Variants in PTCH1 observed in about 807,000 individuals in gnomAD.
PTCH1 encodes protein patched homolog 1.
PTCH1 carries 14 observed loss-of-function variants against 144.6 expected under a neutral mutation model. The observed-to-expected ratio is 0.10, with a 90% confidence interval of 0.06 to 0.15. The LOEUF (loss-of-function observed/expected upper bound fraction) is 0.15, where lower values mean the gene tolerates loss of function less well. Ranked by LOEUF, PTCH1 falls within the 10% of genes least tolerant of loss-of-function variation. The pLI, the probability that PTCH1 is intolerant of heterozygous loss-of-function variation, is 1.00. For synonymous variants in PTCH1, 833 were observed against 793.6 expected, an observed-to-expected ratio of 1.05 and a Z score of -0.83; for missense variants, 1,623 against 1,948.3, an observed-to-expected ratio of 0.83 and a Z score of 3.14.
chr9:95,505,373 GTGTT>G (rs2118854740), intron 2 of PTCH1, among the ~76,000 whole-genome samples: 1 of 152,310 alleles, frequency 6.6e-6, no homozygotes, highest in East Asian at 1.9e-4. Flanking sequence ...GCCCAAAGTG[GTGTT>G]TAGGGTTAAA....
chr9:95,516,479 C>T (rs772457145), exon 1 of PTCH1: 2 of 1,526,208 alleles, frequency 1.3e-6, no homozygotes, highest in Admixed American at 2.2e-5. Context: ...CATAGCCGGC[C>T]GTCAACCCCT....
intron 22 of PTCH1, among the ~76,000 whole-genome samples, chr9:95,447,846 C>T (rs557179818): frequency 5.3e-4 from 80 of 152,342 alleles, no homozygotes; most frequent in Non-Finnish European, 8.7e-4. Context: ...GTGCAGGACG[C>T]TGGCAGGACT....
At position 95,507,757 on chromosome 9, in the gene PTCH1, T is replaced by C. The variant is rs76567043; in HGVS notation, c.201+404A>G. On this transcript the variant is annotated intron_variant, in intron 1 of 23. Transcript: ENST00000331920. ...GAAATGTGGCAGCCGTACAGGAGTT[T>C]AGGCTGCAAATAGGGGCAGGGGCGC... 3.7e-3 allele frequency: 860 copies of C among 232,518 alleles called. 13 individuals are homozygous for C. Among genetic ancestry groups the C allele is most frequent in the African/African-American group, 0.017 (733 of 43,422 alleles). 14.4% of individuals were successfully genotyped at this position (232,518 alleles called of 1,614,324 possible).
intron 12 of PTCH1, among the ~76,000 whole-genome samples, chr9:95,475,496 C>A (rs570078449): frequency 6.6e-6 from 1 of 152,362 alleles, no homozygotes; most frequent in East Asian, 1.9e-4. Flanking sequence ...GAGGCGGACC[C>A]TGCAGGAAAT....
chr9:95,467,318 T>C lies in PTCH1; in HGVS notation c.2358A>G (p.Arg786=). ...DLTDIVPRET[R]EYDFIAAQFK... Reference sequence around the variant, plus strand: ...ATTGTGCAGCAATAAAGTCATATTCTCTGGTTTCCCGAGGTACAATGTCCG... The same window carrying C: ...ATTGTGCAGCAATAAAGTCATATTCCCTGGTTTCCCGAGGTACAATGTCCG... Residue 786 remains arginine, a synonymous_variant, in exon 15 of 24, where the codon AGA becomes AGG. Transcript: ENST00000331920. 1 of 1,614,200 alleles carries C rather than the reference T, an allele frequency of 6.2e-7. No individual in the cohort carries two copies. The highest frequency in any genetic ancestry group is 8.5e-7 in the Non-Finnish European group (1 of 1,180,016).
At chr9:95,473,211 A>C (rs1296830491) in intron 12 of PTCH1, among the ~76,000 whole-genome samples, 1 of 152,250 alleles carries the variant, frequency 6.6e-6, no homozygotes, top group African/African-American at 2.4e-5. Context: ...GGTTTAAGAC[A>C]GTTTCCTTGT....
At position 95,446,823 on chromosome 9, in the gene PTCH1, C is replaced by A. The variant is rs1837939889; in HGVS notation, c.*1+88G>T. On this transcript the variant is annotated intron_variant, in intron 23 of 23. Coordinates refer to ENST00000331920, the MANE Select transcript of PTCH1 (RefSeq NM_000264.5). ...GGGATGTGCCCGAGCGCCACAGCCCCTCGGGGATGCCGAGAACCCCAGGAG... is the reference window on the plus strand; with the variant it reads ...GGGATGTGCCCGAGCGCCACAGCCCATCGGGGATGCCGAGAACCCCAGGAG... 24 of 1,575,380 alleles carry A rather than the reference C, an allele frequency of 1.5e-5. No homozygotes were observed. The South Asian group carries it at 2.7e-4, about 17-fold the overall frequency.
At chr9:95,462,561 A>C (rs1282121585) in intron 15 of PTCH1, among the ~76,000 whole-genome samples, 1 of 152,242 alleles carries the variant, frequency 6.6e-6, no homozygotes, top group African/African-American at 2.4e-5. Context: ...GGTTGTGTAA[A>C]GATCACAGCC....
intron 1 of PTCH1, chr9:95,507,363 A>T (rs1843764129): frequency 1.0e-6 from 1 of 985,194 alleles, no homozygotes; most frequent in African/African-American, 1.7e-5. Flanking sequence ...CCGGCGCGGC[A>T]TTTCCCCGGC....
intron 2 of PTCH1, among the ~76,000 whole-genome samples, chr9:95,490,701 G>T (rs948858937): frequency 2.0e-5 from 3 of 152,128 alleles, no homozygotes; most frequent in African/African-American, 7.2e-5. Context: ...TAGAATGAGG[G>T]TTATCAGAGG....
Position 95,447,038 on chromosome 9 carries a change from G to A in PTCH1, c.4218C>T (p.His1406=), listed in dbSNP as rs372558350. 95 of 1,614,200 alleles carry A rather than the reference G, an allele frequency of 5.9e-5. No individual in the cohort carries two copies. The highest frequency in any genetic ancestry group is 4.9e-4 in the African/African-American group (37 of 75,058). The stretch of plus-strand genomic sequence containing the variant: ...GCACGTGGGGGTCCTCAAACAGGCC[G>A]TGGTCAGTCTCAGGGTAGCCTGGGC... The part of the protein sequence containing the change: ...GLCPGYPETD[H]GLFEDPHVPF... Residue 1406 remains histidine, a synonymous_variant, in exon 23 of 24, where the codon CAC becomes CAT. Transcript: ENST00000331920.
rs1423899827 is a variant in PTCH1, at chr9:95,476,557, T to C, written c.1602+202A>G. On this transcript the variant is annotated intron_variant, in intron 11 of 23. Transcript: ENST00000331920. This position sits in a 1 kb window ranked among gnomAD's most constrained non-coding sequence, Gnocchi z 4.6. Reference sequence around the variant, plus strand: ...CCCGTATTCCTAAAGGCACCCGAGATGCAGCTCTTGGGACTTCTCATAGCA... The same window carrying C: ...CCCGTATTCCTAAAGGCACCCGAGACGCAGCTCTTGGGACTTCTCATAGCA... Among the ~76,000 whole-genome samples, 2 of 151,924 alleles carry C rather than the reference T, an allele frequency of 1.3e-5. No individual in the cohort carries two copies. The highest frequency in any genetic ancestry group is 4.8e-5 in the African/African-American group (2 of 41,350).
intron 5 of PTCH1, chr9:95,481,734 A>G: frequency 1.7e-6 from 1 of 590,628 alleles, no homozygotes; most frequent in South Asian, 2.1e-5. Flanking sequence ...AGTGAATGAA[A>G]TTTAATGACG....
At chr9:95,481,350 C>A (rs554336581) in intron 5 of PTCH1, among the ~76,000 whole-genome samples, 4 of 152,192 alleles carry the variant, frequency 2.6e-5, no homozygotes, top group Non-Finnish European at 5.9e-5. Flanking sequence ...AAACAATAAC[C>A]CAAGCTCTCA....
chr9:95,462,382 C>T (rs1167115189), intron 15 of PTCH1, among the ~76,000 whole-genome samples: 1 of 152,182 alleles, frequency 6.6e-6, no homozygotes, highest in East Asian at 1.9e-4. Flanking sequence ...ATGAGTTCTT[C>T]AATACAACCA....
chr9:95,508,365 GCCGCC>G lies in PTCH1; in HGVS notation c.-9_-5del. ...CGGCGTTACCAGCCGAGGCCATGTT[GCCGCC>G]GCCGCCGCCGCCGCCGCGGGGACGG... On this transcript the variant is annotated 5_prime_UTR_variant, in exon 1 of 24. Coordinates refer to ENST00000331920, the MANE Select transcript of PTCH1 (RefSeq NM_000264.5). 1.1e-6 allele frequency: 1 copy of G among 927,644 alleles called. No homozygotes were observed. The highest frequency in any genetic ancestry group is 1.3e-6 in the Non-Finnish European group (1 of 770,764). The allele number at this position is 927,644 out of a possible 1,614,324, so 57.5% of individuals were successfully genotyped here.
At chr9:95,516,717 G>A (rs754713145) in exon 1 of PTCH1, 8 of 1,613,028 alleles carry the variant, frequency 5.0e-6, no homozygotes, top group South Asian at 3.3e-5. Flanking sequence ...TTTACAAAAG[G>A]AACGGAAAGT....
chr9:95,499,746 TATA>T (rs934582939), intron 2 of PTCH1, among the ~76,000 whole-genome samples: 3 of 152,076 alleles, frequency 2.0e-5, no homozygotes, highest in African/African-American at 7.3e-5. Context: ...ACAGTTATTT[TATA>T]ATATTTCCAT....
chr9:95,515,164 T>C (rs529045824), intron 1 of PTCH1, among the ~76,000 whole-genome samples: 2 of 152,302 alleles, frequency 1.3e-5, no homozygotes, highest in South Asian at 2.1e-4. Context: ...AGGCGATTAA[T>C]TGCATGCTGA....
Sources: allele counts gnomAD v4.1 joint callset (sites outside exome capture counted in the v4.1 genomes callset), GRCh38; gene constraint gnomAD v4.1.1; non-coding constraint Gnocchi (gnomAD v3.1); transcripts MANE v1.5; gene names NCBI Gene and HGNC (gene_info 2026-07-23, HGNC 2026-07-21).